The following PRAG1 variants were observed in gnomAD, a reference collection of about 807,000 sequenced individuals.
The protein encoded by PRAG1 is PEAK1 related, kinase-activating pseudokinase 1.
A neutral mutation model predicts 95.6 loss-of-function variants in PRAG1; 110 were observed. That is an observed-to-expected ratio of 1.15 (90% CI 0.99 to 1.35). The LOEUF is 1.35. PRAG1 is among the 40% of genes most tolerant of loss of function. PRAG1 has a pLI of 0.00. For synonymous variants in PRAG1, 1,052 were observed against 819.4 expected (o/e 1.28, Z -4.85); for missense variants, 2,554 against 1,864.7 (o/e 1.37, Z -6.81).
chr8:8,330,519 G>A (rs973879981), intron 4 of PRAG1, among the ~76,000 whole-genome samples: 13 of 152,222 alleles, frequency 8.5e-5, no homozygotes, highest in African/African-American at 3.1e-4. Flanking sequence ...GCCCCTGGCA[G>A]CAAGGCTGAG....
intron 3 of PRAG1, 148 bp downstream of exon 3, chr8:8,376,099 C>A: frequency 9.0e-7 from 1 of 1,108,754 alleles, no homozygotes; most frequent in South Asian, 1.6e-5. Context: ...GAGGGCTGCA[C>A]TGGGACCCTG....
At chr8:8,363,072 GAT>G (rs761535373) in intron 3 of PRAG1, among the ~76,000 whole-genome samples, 43 of 144,128 alleles carry the variant, frequency 3.0e-4, no homozygotes, top group African/African-American at 1.1e-3. Flanking sequence ...TAGATATATA[GAT>G]ATATATATGT....
At chr8:8,335,482 G>C (rs938341562) in intron 4 of PRAG1, among the ~76,000 whole-genome samples, 3 of 152,128 alleles carry the variant, frequency 2.0e-5, no homozygotes, top group African/African-American at 7.2e-5. Context: ...GATGGTAGGA[G>C]CTGGGATGGG....
chr8:8,318,067 T>C lies in PRAG1; in HGVS notation c.*87A>G. 1 of 1,319,414 alleles carries C rather than the reference T, an allele frequency of 7.6e-7. No individual in the cohort carries two copies. Among genetic ancestry groups the C allele is most frequent in the Non-Finnish European group, 1.0e-6 (1 of 974,990 alleles). 81.7% of individuals were successfully genotyped at this position (1,319,414 alleles called of 1,614,324 possible). On this transcript the variant is annotated 3_prime_UTR_variant, in exon 6 of 6. Coordinates refer to ENST00000615670, the MANE Select transcript of PRAG1 (RefSeq NM_001080826.3). This position sits in a 1 kb window ranked among gnomAD's most constrained non-coding sequence, Gnocchi z 4.2. ...CAGGTATCCCAGTCATCTGTACCAT[T>C]TCCCAGGGAGACATGGGTGCTTCCA... is the stretch of plus-strand genomic sequence containing the variant.
chr8:8,340,905 CT>C (rs1423745606), intron 3 of PRAG1, among the ~76,000 whole-genome samples: 10 of 152,158 alleles, frequency 6.6e-5, no homozygotes, highest in Admixed American at 6.5e-4. Context: ...CTCAGTATCG[CT>C]GTGGGAACCT....
intron 4 of PRAG1, among the ~76,000 whole-genome samples, chr8:8,336,900 CA>C (rs1336734176): frequency 7.5e-4 from 62 of 82,994 alleles, no homozygotes; most frequent in African/African-American, 2.0e-3. Flanking sequence ...CCCCTCCCCA[CA>C]CCCCTTTCCC....
At chr8:8,367,498 A>C (rs1800048800) in intron 3 of PRAG1, among the ~76,000 whole-genome samples, 1 of 114,970 alleles carries the variant, frequency 8.7e-6, no homozygotes, top group Non-Finnish European at 1.8e-5. Flanking sequence ...AAAAAAAAAA[A>C]GAATCGCGTT....
At chr8:8,351,371 G>C (rs1223149845) in intron 3 of PRAG1, among the ~76,000 whole-genome samples, 1 of 152,132 alleles carries the variant, frequency 6.6e-6, no homozygotes, top group Non-Finnish European at 1.5e-5. Flanking sequence ...CAATATTCGG[G>C]ATTATAATTC....
In PRAG1 at chr8:8,339,459, T is replaced by C; in HGVS notation, c.2320+19A>G. 5 of 1,612,510 alleles carry C rather than the reference T, an allele frequency of 3.1e-6. No individual in the cohort carries two copies. Among genetic ancestry groups the C allele is most frequent in the Non-Finnish European group, 4.2e-6 (5 of 1,179,108 alleles). On this transcript the variant is annotated intron_variant, in intron 4 of 5. Transcript: ENST00000615670. Reference sequence around the variant, plus strand: ...GTCCAGGAGAATCTAAGCCTCTCCGTCAATGTCAAGTTTGTTACCTCCATC... The same window carrying C: ...GTCCAGGAGAATCTAAGCCTCTCCGCCAATGTCAAGTTTGTTACCTCCATC...
rs1457075298 is a variant in PRAG1, at chr8:8,381,683, T to C, written c.65A>G (p.Glu22Gly). The C allele has an allele frequency of 6.2e-7, 1 of 1,612,618 alleles. No individual in the cohort carries two copies. Among genetic ancestry groups the C allele is most frequent in the Non-Finnish European group, 8.5e-7 (1 of 1,179,002 alleles). Reference protein sequence around the residue: ...LKMSACSDFVEHIWKPGSCKN... With the variant: ...LKMSACSDFVGHIWKPGSCKN... ...GCAGGACCCGGGTTTCCAGATGTGC[T>C]CCACAAAGTCACTGCACGCAGACAT... is the stretch of plus-strand genomic sequence containing the variant. The change falls in exon 2 of 6, where the codon GAG (glutamate) becomes GGG (glycine). Residue 22 changes from glutamate to glycine, a missense_variant. By Grantham distance (98) the Glu-to-Gly change is moderately conservative. Coordinates refer to ENST00000615670, the MANE Select transcript of PRAG1 (RefSeq NM_001080826.3).
chr8:8,370,046 G>C (rs1331609417), intron 3 of PRAG1, among the ~76,000 whole-genome samples: 1 of 152,218 alleles, frequency 6.6e-6, no homozygotes, highest in Non-Finnish European at 1.5e-5. Context: ...ATAGATATCT[G>C]ATAAATTAAA....
At chr8:8,345,046 GGTGT>G (rs57329300) in intron 3 of PRAG1, among the ~76,000 whole-genome samples, 32,030 of 133,792 alleles carry the variant, frequency 0.24, 3,241 homozygotes, top group African/African-American at 0.27. Flanking sequence ...TTATCCGCAG[GGTGT>G]GTGTGTGTGT....
At chr8:8,365,257 T>G (rs1278504012) in intron 3 of PRAG1, among the ~76,000 whole-genome samples, 2 of 152,148 alleles carry the variant, frequency 1.3e-5, no homozygotes, top group Non-Finnish European at 2.9e-5. Context: ...TTTTCATTGT[T>G]AAACTATCCC....
rs1039276084 is a variant in PRAG1, at chr8:8,381,538, T to C, written c.210A>G (p.Glu70=). ...AAGGTGAGCTGTTCACACCTTCATC[T>C]TCCAGGCGGCAGTTCTCAGGCCTGG... ...LPPRPENCRL[E]DEGVNSSPYS... Residue 70 remains glutamate, a synonymous_variant, in exon 2 of 6, where the codon GAA becomes GAG. Transcript: ENST00000615670. 13 of 1,614,080 alleles carry C rather than the reference T, an allele frequency of 8.1e-6. No individual in the cohort carries two copies. Among genetic ancestry groups the C allele is most frequent in the Non-Finnish European group, 9.3e-6 (11 of 1,180,012 alleles).
chr8:8,379,046 C>G (rs1441880316), intron 2 of PRAG1, among the ~76,000 whole-genome samples: 1 of 150,728 alleles, frequency 6.6e-6, no homozygotes, highest in Non-Finnish European at 1.5e-5. Context: ...GGCTTCTGAA[C>G]CGGATCAGAG....
At position 8,318,119 on chromosome 8, in the gene PRAG1, G is replaced by C. The variant is rs1395821223; in HGVS notation, c.*35C>G. The C allele has an allele frequency of 6.3e-7, 1 of 1,574,920 alleles. No homozygotes were observed. The highest frequency in any genetic ancestry group is 2.3e-5 in the East Asian group (1 of 44,414). Reference sequence around the variant, plus strand: ...GGCGAGACAGGAAAGGGTTAGGCAGGGAAGGGGCAGCGACGGTGCAGGCTG... The same window carrying C: ...GGCGAGACAGGAAAGGGTTAGGCAGCGAAGGGGCAGCGACGGTGCAGGCTG... On this transcript the variant is annotated 3_prime_UTR_variant, in exon 6 of 6. Transcript: ENST00000615670. The surrounding 1 kb of genome is among the most constrained non-coding windows in gnomAD (Gnocchi z 4.2).
At chr8:8,380,215 C>A (rs1800586501) in intron 2 of PRAG1, among the ~76,000 whole-genome samples, 1 of 152,004 alleles carries the variant, frequency 6.6e-6, no homozygotes, top group Admixed American at 6.6e-5. Flanking sequence ...GTGGAGATTG[C>A]AGTTAGCCGA....
chr8:8,323,321 C>CTTTT (rs36045122), intron 5 of PRAG1, among the ~76,000 whole-genome samples: 3 of 138,034 alleles, frequency 2.2e-5, no homozygotes, highest in Non-Finnish European at 4.7e-5. Flanking sequence ...TTTTCCCTCC[C>CTTTT]TTTTTTTTTT....
intron 3 of PRAG1, among the ~76,000 whole-genome samples, chr8:8,347,231 C>T (rs1331018239): frequency 1.3e-5 from 2 of 152,234 alleles, no homozygotes; most frequent in African/African-American, 4.8e-5. Context: ...GGGACAGTGA[C>T]TTCAGGTTCC....
Sources: allele counts gnomAD v4.1 joint callset (sites outside exome capture counted in the v4.1 genomes callset), GRCh38; gene constraint gnomAD v4.1.1; non-coding constraint Gnocchi (gnomAD v3.1); transcripts MANE v1.5; gene names NCBI Gene and HGNC (gene_info 2026-07-23, HGNC 2026-07-21).